ZNF37A: variants seen among roughly 807,000 people sequenced by gnomAD.
The protein encoded by ZNF37A is zinc finger protein 37a (KOX 21).
A neutral mutation model predicts 12.3 loss-of-function variants in ZNF37A; 10 were observed. The ratio of observed to expected loss-of-function variants is 0.82; its 90% CI spans 0.50 to 1.38. ZNF37A has a LOEUF of 1.38. Among genes scored for constraint, ZNF37A ranks in the 40% most tolerant of loss-of-function variants. The pLI is 0.00. For missense variants in ZNF37A, 580 were observed against 651.2 expected, an observed-to-expected ratio of 0.89 and a Z score of 1.19; for synonymous variants, 207 against 223.0, an observed-to-expected ratio of 0.93 and a Z score of 0.64.
At chr10:38,105,837 T>C (rs1215856324) in intron 5 of ZNF37A, among the ~76,000 whole-genome samples, 1 of 152,244 alleles carries the variant, frequency 6.6e-6, no homozygotes, top group East Asian at 1.9e-4. Flanking sequence ...ACCTAATTGT[T>C]GTGTGTTGAT....
intron 7 of ZNF37A, among the ~76,000 whole-genome samples, chr10:38,135,761 C>A (rs553527103): frequency 1.3e-5 from 2 of 152,118 alleles, no homozygotes; most frequent in Non-Finnish European, 2.9e-5. Context: ...TGACATCCAG[C>A]AGGGGAAATG....
rs1325463283 is a variant in ZNF37A, at chr10:38,121,697, A to C, written c.*2860A>C. 6.6e-6 allele frequency: 1 copy of C among 152,240 alleles called. No individual in the cohort carries two copies. The highest frequency in any genetic ancestry group is 1.5e-5 in the Non-Finnish European group (1 of 68,046). The allele number at this position is 152,240 out of a possible 1,614,324, so 9.4% of individuals were successfully genotyped here. Reference sequence around the variant, plus strand: ...AACCTGGAGTGTGGCATTAGAATAGAACTCATATCTTTTAAATATATAGGA... The same window carrying C: ...AACCTGGAGTGTGGCATTAGAATAGCACTCATATCTTTTAAATATATAGGA... On this transcript the variant is annotated 3_prime_UTR_variant, in exon 8 of 8. Transcript: ENST00000685332.
downstream of ZNF37A, among the ~76,000 whole-genome samples, chr10:38,129,304 T>TAAAAAAAAAAAAAAA (rs775705417): frequency 6.7e-4 from 38 of 56,878 alleles, 1 homozygote; most frequent in Middle Eastern, 9.3e-3. Flanking sequence ...AGACTCTGTC[T>TAAAAAAAAAAAAAAA]AAAAAAAAAA....
rs2067570870 is a variant in ZNF37A, at chr10:38,101,515, C to T, written c.15+4883C>T. On this transcript the variant is annotated intron_variant, in intron 5 of 7. Coordinates refer to ENST00000685332, the MANE Select transcript of ZNF37A (RefSeq NM_001324250.3). ...AAGATCATTTTGGCTAGTTGAGATA[C>T]CTTGAAATTCCATGTTAACTTCAGG... 2.0e-5 allele frequency among the ~76,000 whole-genome samples: 3 copies of T among 151,876 alleles called. No individual in the cohort carries two copies. In the South Asian group the frequency reaches 6.2e-4, roughly 31 times the overall value.
At chr10:38,109,379 A>G (rs1321354208) in intron 5 of ZNF37A, among the ~76,000 whole-genome samples, 1 of 152,188 alleles carries the variant, frequency 6.6e-6, no homozygotes, top group African/African-American at 2.4e-5. Context: ...CCCACAGCCA[A>G]TATAATACTG....
rs1200723876 is a variant in ZNF37A at position 38,122,476 on chromosome 10, G to A, written c.*3639G>A. 6.6e-6 allele frequency: 1 copy of A among 152,074 alleles called. No individual in the cohort carries two copies. The highest frequency in any genetic ancestry group is 2.4e-5 in the African/African-American group (1 of 41,420). The allele number at this position is 152,074 out of a possible 1,614,324, so 9.4% of individuals were successfully genotyped here. On this transcript the variant is annotated 3_prime_UTR_variant, in exon 8 of 8. Coordinates refer to ENST00000685332, the MANE Select transcript of ZNF37A (RefSeq NM_001324250.3). ...ACAGTAACCAAAACAGCATGATACT[G>A]GCATAACAACAGACACATAGGAACA...
chr10:38,146,871 C>A, exon 8 of ZNF37A: 1 of 396,988 alleles, frequency 2.5e-6, no homozygotes, highest in South Asian at 1.3e-4. Flanking sequence ...AAGTGGGAAT[C>A]GGGGATAACA....
At chr10:38,114,978 G>T in intron 6 of ZNF37A, 97 bp downstream of exon 6, 1 of 1,459,896 alleles carries the variant, frequency 6.8e-7, no homozygotes, top group African/African-American at 1.4e-5. Context: ...ATAATATTTA[G>T]GTTTGAGATT....
chr10:38,097,583 C>CAAAA lies in ZNF37A; in HGVS notation c.15+979_15+982dup, dbSNP rs71007695. ...TGGGTGACAGAGTGAGACTCTGTCT[C>CAAAA]AAAAAAAAAAAAAAAAAAAAAAAAA... On this transcript the variant is annotated intron_variant, in intron 5 of 7. Transcript: ENST00000685332. Among the ~76,000 whole-genome samples, 53 of 61,938 alleles carry CAAAA rather than the reference C, an allele frequency of 8.6e-4. 1 individual carries two copies. The highest frequency in any genetic ancestry group is 1.5e-3 in the South Asian group (2 of 1,342). The allele number at this position is 61,938 out of a possible 152,430, so 40.6% of individuals were successfully genotyped here. A position where few individuals can be genotyped will look rare whatever the true frequency, so the allele number is the denominator to read the frequency against.
At chr10:38,103,570 C>G (rs2067773882) in intron 5 of ZNF37A, among the ~76,000 whole-genome samples, 1 of 151,900 alleles carries the variant, frequency 6.6e-6, no homozygotes, top group Non-Finnish European at 1.5e-5. Context: ...TTTCTTTTTT[C>G]TGTGTGTCTG....
At chr10:38,126,409 A>G (rs1264452677), downstream of ZNF37A, among the ~76,000 whole-genome samples, 1 of 152,132 alleles carries the variant, frequency 6.6e-6, no homozygotes, top group Non-Finnish European at 1.5e-5. Context: ...TCCTGTCTAT[A>G]TAAACTCCTA....
intron 5 of ZNF37A, among the ~76,000 whole-genome samples, chr10:38,106,228 C>T (rs531285776): frequency 6.6e-6 from 1 of 152,292 alleles, no homozygotes; most frequent in African/African-American, 2.4e-5. Context: ...CTCCAGCAAA[C>T]TCCAGCAGAC....
intron 7 of ZNF37A, chr10:38,144,062 G>A (rs1301199777): frequency 1.3e-5 from 2 of 152,212 alleles, no homozygotes; most frequent in Non-Finnish European, 2.9e-5. Flanking sequence ...GAGGTCAACA[G>A]GGTTGTGGAA....
chr10:38,119,211 G>A lies in ZNF37A; in HGVS notation c.*374G>A, dbSNP rs563883453. On this transcript the variant is annotated 3_prime_UTR_variant, in exon 8 of 8. Transcript: ENST00000685332. ...ACAGAATACCTGAGAAGACACACTT[G>A]GAGAAACCTTTTGGGTGTAATGAAT... 1.6e-5 allele frequency: 16 copies of A among 1,028,894 alleles called. No homozygotes were observed. In the East Asian group the frequency reaches 1.1e-3, roughly 72 times the overall value. The allele number at this position is 1,028,894 out of a possible 1,614,324, so 63.7% of individuals were successfully genotyped here.
intron 5 of ZNF37A, among the ~76,000 whole-genome samples, chr10:38,103,911 T>TAATG (rs1403903558): frequency 6.6e-6 from 1 of 152,246 alleles, no homozygotes; most frequent in East Asian, 1.9e-4. Flanking sequence ...GGCGCTCCTG[T>TAATG]AATGGCTTGC....
At position 38,119,865 on chromosome 10, in the gene ZNF37A, C is replaced by T. The variant is rs2069589302; in HGVS notation, c.*1028C>T. Reference sequence around the variant, plus strand: ...GATTTTTGAATAATCCTAGGGCAGACTAAATTCAGACGACCCATCTCAGAA... The same window carrying T: ...GATTTTTGAATAATCCTAGGGCAGATTAAATTCAGACGACCCATCTCAGAA... On this transcript the variant is annotated 3_prime_UTR_variant, in exon 8 of 8. Transcript: ENST00000685332. The T allele has an allele frequency of 6.6e-6, 1 of 152,184 alleles. No homozygotes were observed. The highest frequency in any genetic ancestry group is 2.4e-5 in the African/African-American group (1 of 41,434). The allele number at this position is 152,184 out of a possible 1,614,324, so 9.4% of individuals were successfully genotyped here. A position where few individuals can be genotyped will look rare whatever the true frequency, so the allele number is the denominator to read the frequency against.
chr10:38,119,253 T>A lies in ZNF37A; in HGVS notation c.*416T>A. On this transcript the variant is annotated 3_prime_UTR_variant, in exon 8 of 8. Transcript: ENST00000685332. ...GTAATGAATGTGGGAAAACCTTTCA[T>A]CAGAAGTCAGCTCTAATTGTTCACC... 5 of 1,047,624 alleles carry A rather than the reference T, an allele frequency of 4.8e-6. No individual in the cohort carries two copies. The highest frequency in any genetic ancestry group is 5.8e-6 in the Non-Finnish European group (5 of 856,334). 64.9% of individuals were successfully genotyped at this position (1,047,624 alleles called of 1,614,324 possible).
At chr10:38,108,764 C>T (rs1031669722) in intron 5 of ZNF37A, among the ~76,000 whole-genome samples, 2 of 152,074 alleles carry the variant, frequency 1.3e-5, no homozygotes, top group South Asian at 4.1e-4. Context: ...GACACTTACA[C>T]CCTCTCAAGT....
At chr10:38,096,161 T>C (rs1389292662) in intron 4 of ZNF37A, among the ~76,000 whole-genome samples, 2 of 152,022 alleles carry the variant, frequency 1.3e-5, no homozygotes, top group African/African-American at 2.4e-5. Flanking sequence ...CAGGACTCTG[T>C]CTCAAAAAAG....
Sources: allele counts gnomAD v4.1 joint callset (sites outside exome capture counted in the v4.1 genomes callset), GRCh38; gene constraint gnomAD v4.1.1; transcripts MANE v1.5; gene names NCBI Gene and HGNC (gene_info 2026-07-23, HGNC 2026-07-21).